The following THSD7B variants were observed in gnomAD, a reference collection of about 807,000 sequenced individuals.
THSD7B encodes thrombospondin type-1 domain-containing protein 7B.
In THSD7B, 138 loss-of-function variants were observed where a neutral mutation model predicts 213.6. That is an observed-to-expected ratio of 0.65 (90% CI 0.56 to 0.74). THSD7B has a LOEUF of 0.74. Among genes scored for constraint, THSD7B ranks in the 30% least tolerant of loss-of-function variants. The pLI, the probability that THSD7B is intolerant of heterozygous loss-of-function variation, is 0.00. For synonymous variants in THSD7B, 742 were observed against 687.0 expected (o/e 1.08, Z -1.25); for missense variants, 1,931 against 1,991.5 (o/e 0.97, Z 0.58).
At chr2:137,421,422 G>T (rs1686924145) in intron 14 of THSD7B, among the ~76,000 whole-genome samples, 1 of 152,112 alleles carries the variant, frequency 6.6e-6, no homozygotes, top group African/African-American at 2.4e-5. Flanking sequence ...TCCCACTTTG[G>T]GTTTGATTAA....
intron 15 of THSD7B, among the ~76,000 whole-genome samples, chr2:137,549,578 G>A (rs113198341): frequency 1.3e-5 from 2 of 151,874 alleles, no homozygotes; most frequent in African/African-American, 2.4e-5. Flanking sequence ...ATTATCAAGT[G>A]TACAATACAG....
chr2:137,169,063 C>A (rs969805743), intron 6 of THSD7B, among the ~76,000 whole-genome samples: 5 of 150,670 alleles, frequency 3.3e-5, no homozygotes, highest in African/African-American at 1.2e-4. Context: ...ATGTCAATGC[C>A]ATGAGAATAT....
intron 15 of THSD7B, among the ~76,000 whole-genome samples, chr2:137,549,267 T>A (rs1438553618): frequency 1.3e-5 from 2 of 149,924 alleles, no homozygotes; most frequent in Non-Finnish European, 3.0e-5. Flanking sequence ...GTAGAACCTT[T>A]GCTGCCTGCC....
At chr2:136,951,491 G>A (rs1194085583) in intron 2 of THSD7B, among the ~76,000 whole-genome samples, 1 of 152,122 alleles carries the variant, frequency 6.6e-6, no homozygotes, top group Non-Finnish European at 1.5e-5. Context: ...TAGGTCTGGG[G>A]GAAAAATAGC....
intron 7 of THSD7B, among the ~76,000 whole-genome samples, chr2:137,176,511 A>C (rs992761251): frequency 2.0e-5 from 3 of 152,178 alleles, no homozygotes; most frequent in Admixed American, 2.0e-4. Context: ...ATGGACATGC[A>C]TTTGTATTAG....
chr2:137,461,770 A>G (rs1463913718), intron 15 of THSD7B, among the ~76,000 whole-genome samples: 1 of 152,142 alleles, frequency 6.6e-6, no homozygotes, highest in East Asian at 1.9e-4. Context: ...AGCCAGAGAC[A>G]TGCTCAAATA....
At chr2:137,176,219 A>T (rs1680354714) in intron 7 of THSD7B, among the ~76,000 whole-genome samples, 1 of 152,194 alleles carries the variant, frequency 6.6e-6, no homozygotes, top group Non-Finnish European at 1.5e-5. Context: ...CCACCTGAGG[A>T]TATGTAGGCT....
chr2:137,242,735 C>A (rs1681941050), intron 10 of THSD7B, among the ~76,000 whole-genome samples, 163 bp downstream of exon 10: 1 of 151,826 alleles, frequency 6.6e-6, no homozygotes, highest in African/African-American at 2.4e-5. Context: ...TCTTGTATTT[C>A]CAAATCTATC....
chr2:137,527,059 G>A (rs898683540), intron 15 of THSD7B, among the ~76,000 whole-genome samples: 1 of 152,120 alleles, frequency 6.6e-6, no homozygotes, highest in African/African-American at 2.4e-5. Context: ...ATGAATTGCT[G>A]GAAGGAAGTA....
intron 15 of THSD7B, among the ~76,000 whole-genome samples, chr2:137,516,616 A>G (rs1428308758): frequency 1.3e-5 from 2 of 152,180 alleles, no homozygotes. Flanking sequence ...CAGGTAATTT[A>G]TGGAGTTTTA....
chr2:137,465,263 G>T (rs916405222), intron 15 of THSD7B, among the ~76,000 whole-genome samples: 4 of 151,256 alleles, frequency 2.6e-5, no homozygotes, highest in South Asian at 4.2e-4. Flanking sequence ...AAAAAAAAAA[G>T]AGTACCTGGC....
intron 15 of THSD7B, among the ~76,000 whole-genome samples, chr2:137,556,966 G>A (rs959591425): frequency 1.4e-4 from 22 of 152,132 alleles, no homozygotes; most frequent in African/African-American, 5.3e-4. Context: ...TAATGGTAAA[G>A]GGATCAATTC....
chr2:137,361,649 T>C (rs1219529641), intron 12 of THSD7B, among the ~76,000 whole-genome samples: 1 of 152,094 alleles, frequency 6.6e-6, no homozygotes, highest in African/African-American at 2.4e-5. Flanking sequence ...GAAGATCAAA[T>C]GAATGAAATG....
At chr2:137,373,379 T>C (rs920295285) in intron 12 of THSD7B, among the ~76,000 whole-genome samples, 9 of 152,342 alleles carry the variant, frequency 5.9e-5, no homozygotes, top group African/African-American at 2.2e-4. Context: ...GACTTTTTAA[T>C]GATTGCTCTT....
Position 137,676,470 on chromosome 2 carries a change from T to A in THSD7B, c.4740-54T>A, listed in dbSNP as rs181661870. The A allele has an allele frequency of 4.1e-6, 6 of 1,472,130 alleles. No homozygotes were observed. The East Asian group carries it at 1.5e-4, about 36-fold the overall frequency. The allele number at this position is 1,472,130 out of a possible 1,614,324, so 91.2% of individuals were successfully genotyped here. A position where few individuals can be genotyped will look rare whatever the true frequency, so the allele number is the denominator to read the frequency against. On this transcript the variant is annotated intron_variant, in intron 27 of 27. Coordinates refer to ENST00000409968, the MANE Select transcript of THSD7B (RefSeq NM_001316349.2). ...GTATCTCAAAATTGTCTTTGGCAGATGAAACAGAGCTCTATGAACTTACTT... is the reference window on the plus strand; with the variant it reads ...GTATCTCAAAATTGTCTTTGGCAGAAGAAACAGAGCTCTATGAACTTACTT...
rs79506926 is a variant in THSD7B, at chr2:136,864,056, T to C, written c.-35-18088T>C. On this transcript the variant is annotated intron_variant, in intron 1 of 27. Coordinates refer to ENST00000409968, the MANE Select transcript of THSD7B (RefSeq NM_001316349.2). ...TGCTGCTTAGAGAGGAATGGCTACA[T>C]AGGGAAACAACACTATTTTTAAAGT... Among the ~76,000 whole-genome samples the C allele has an allele frequency of 3.7e-3, 566 of 152,230 alleles. 3 individuals are homozygous for C. The highest frequency in any genetic ancestry group is 0.013 in the African/African-American group (542 of 41,532).
intron 1 of THSD7B, among the ~76,000 whole-genome samples, chr2:136,796,980 T>TCA (rs58116447): frequency 0.021 from 3,111 of 146,842 alleles, 80 homozygotes; most frequent in African/African-American, 0.056. Context: ...TCATATTTGA[T>TCA]CACACACACA....
intron 12 of THSD7B, among the ~76,000 whole-genome samples, chr2:137,371,494 T>C (rs1685534893): frequency 6.6e-6 from 1 of 152,194 alleles, no homozygotes; most frequent in Non-Finnish European, 1.5e-5. Context: ...GATGTATCCT[T>C]ATATGGATGT....
At chr2:137,130,524 C>T (rs1360440792) in intron 5 of THSD7B, among the ~76,000 whole-genome samples, 4 of 134,982 alleles carry the variant, frequency 3.0e-5, no homozygotes, top group Non-Finnish European at 4.7e-5. Flanking sequence ...GCTATCCCTT[C>T]CCCCTCCCCC....
Sources: allele counts gnomAD v4.1 joint callset (sites outside exome capture counted in the v4.1 genomes callset), GRCh38; gene constraint gnomAD v4.1.1; transcripts MANE v1.5; gene names NCBI Gene and HGNC (gene_info 2026-07-23, HGNC 2026-07-21).